MAGI1: variants seen among roughly 807,000 people sequenced by gnomAD.
The protein encoded by MAGI1 is membrane-associated guanylate kinase, WW and PDZ domain-containing protein 1.
In MAGI1, 58 loss-of-function variants were observed where a neutral mutation model predicts 139.9. The ratio of observed to expected loss-of-function variants is 0.41; its 90% confidence interval spans 0.34 to 0.52. MAGI1 has a LOEUF of 0.52. MAGI1 is among the 20% of genes least tolerant of loss of function. The pLI, the probability that MAGI1 is intolerant of heterozygous loss-of-function variation, is 0.12. For missense variants in MAGI1, 1,874 were observed against 1,901.6 expected (o/e 0.99, Z 0.27); for synonymous variants, 812 against 737.9 (o/e 1.10, Z -1.63).
chr3:65,425,294 A>T (rs762492737), intron 12 of MAGI1, among the ~76,000 whole-genome samples: 1 of 152,108 alleles, frequency 6.6e-6, no homozygotes, highest in Non-Finnish European at 1.5e-5. Flanking sequence ...ACCTTATTTA[A>T]TCTATGTACA....
chr3:65,469,456 G>C (rs547003480), intron 5 of MAGI1, among the ~76,000 whole-genome samples: 6 of 150,832 alleles, frequency 4.0e-5, no homozygotes, highest in African/African-American at 1.2e-4. Flanking sequence ...CATTATCTTA[G>C]ATTTTCCAGA....
chr3:66,004,831 A>G (rs1031582729), intron 1 of MAGI1, among the ~76,000 whole-genome samples: 1 of 152,216 alleles, frequency 6.6e-6, no homozygotes, highest in Non-Finnish European at 1.5e-5. Context: ...AAAAGATCAC[A>G]GGAGAGAGCT....
intron 1 of MAGI1, among the ~76,000 whole-genome samples, chr3:65,777,565 G>T (rs2038553737): frequency 6.6e-6 from 1 of 150,974 alleles, no homozygotes; most frequent in Admixed American, 6.6e-5. Flanking sequence ...CTTGAGCCTG[G>T]GAGGTTGAGG....
chr3:65,390,909 C>T (rs934311567), intron 14 of MAGI1, among the ~76,000 whole-genome samples: 9 of 152,098 alleles, frequency 5.9e-5, no homozygotes, highest in Non-Finnish European at 7.4e-5. Flanking sequence ...CCATTTTTAC[C>T]CAGGGCATTT....
At chr3:65,358,689 T>G (rs1275323601) in intron 22 of MAGI1, among the ~76,000 whole-genome samples, 1 of 152,180 alleles carries the variant, frequency 6.6e-6, no homozygotes, top group Non-Finnish European at 1.5e-5. Context: ...GACTGCAGTT[T>G]GCAAAGAGAT....
At chr3:65,646,296 G>A (rs182978401) in intron 1 of MAGI1, among the ~76,000 whole-genome samples, 63 of 151,822 alleles carry the variant, frequency 4.1e-4, no homozygotes, top group South Asian at 8.3e-4. Flanking sequence ...ACTTAACATA[G>A]ACAGGAAGAG....
intron 17 of MAGI1, among the ~76,000 whole-genome samples, chr3:65,377,186 T>C (rs1942618892): frequency 6.6e-6 from 1 of 152,166 alleles, no homozygotes; most frequent in South Asian, 2.1e-4. Context: ...TTTCAGCAGA[T>C]TTGCCTGAGC....
intron 10 of MAGI1, among the ~76,000 whole-genome samples, chr3:65,432,075 G>C (rs1021208448): frequency 4.5e-4 from 69 of 152,098 alleles, no homozygotes; most frequent in African/African-American, 1.6e-3. Context: ...AGGTTTTATT[G>C]AGTTTTCTTG....
intron 22 of MAGI1, chr3:65,360,032 G>C (rs1392694855): frequency 1.0e-6 from 1 of 985,148 alleles, no homozygotes; most frequent in Non-Finnish European, 1.2e-6. Flanking sequence ...TGTCTATAGG[G>C]GCCTTGTCTA....
At chr3:65,703,179 A>G (rs1205831072) in intron 1 of MAGI1, among the ~76,000 whole-genome samples, 1 of 152,116 alleles carries the variant, frequency 6.6e-6, no homozygotes, top group Non-Finnish European at 1.5e-5. Flanking sequence ...TTGCTGCTAT[A>G]CGTGCTTCCT....
intron 1 of MAGI1, among the ~76,000 whole-genome samples, chr3:65,830,812 T>A (rs2042481412): frequency 1.3e-5 from 2 of 152,164 alleles, no homozygotes; most frequent in Non-Finnish European, 2.9e-5. Context: ...GGACCTCCAT[T>A]GTTTACCAGG....
At chr3:65,659,732 A>T (rs2086087076) in intron 1 of MAGI1, among the ~76,000 whole-genome samples, 3 of 152,088 alleles carry the variant, frequency 2.0e-5, no homozygotes, top group African/African-American at 7.2e-5. Flanking sequence ...TCATCCTTGA[A>T]TTCCTTCTTG....
At chr3:65,531,249 T>C (rs575598912) in intron 2 of MAGI1, among the ~76,000 whole-genome samples, 96 of 152,174 alleles carry the variant, frequency 6.3e-4, no homozygotes, top group Non-Finnish European at 8.1e-4. Context: ...AAATTGTATC[T>C]CAAATTTATA....
rs1216094921 is a variant in MAGI1 at position 65,734,228 on chromosome 3, G to C, written c.314-112140C>G. On this transcript the variant is annotated intron_variant, in intron 1 of 22. Transcript: ENST00000402939. ...TCAGCACCTTGGGAGGCTGAGGCAGGAGGTGGGAGGAAGGCTTGATCCCAG... is the reference window on the plus strand; with the variant it reads ...TCAGCACCTTGGGAGGCTGAGGCAGCAGGTGGGAGGAAGGCTTGATCCCAG... Among the ~76,000 whole-genome samples, 3 of 152,114 alleles carry C rather than the reference G, an allele frequency of 2.0e-5. No individual in the cohort carries two copies. In the East Asian group the frequency reaches 5.8e-4, roughly 29 times the overall value.
intron 2 of MAGI1, among the ~76,000 whole-genome samples, chr3:65,508,790 T>C (rs764386794): frequency 5.3e-5 from 8 of 152,196 alleles, no homozygotes; most frequent in Non-Finnish European, 1.0e-4. Context: ...TTTGTTTTTG[T>C]TGTGTTTTGT....
At chr3:65,517,895 C>T (rs2077979343) in intron 2 of MAGI1, among the ~76,000 whole-genome samples, 1 of 152,154 alleles carries the variant, frequency 6.6e-6, no homozygotes, top group Admixed American at 6.5e-5. Flanking sequence ...AACAGAGTCC[C>T]TCTGTTGAAA....
chr3:65,971,322 G>C (rs527429973), intron 1 of MAGI1, among the ~76,000 whole-genome samples: 2 of 152,200 alleles, frequency 1.3e-5, no homozygotes, highest in East Asian at 3.9e-4. Context: ...CATTCCTTAA[G>C]AGTCTATGGA....
intron 2 of MAGI1, among the ~76,000 whole-genome samples, chr3:65,508,961 T>C (rs756279281): frequency 7.9e-5 from 12 of 152,174 alleles, no homozygotes; most frequent in Non-Finnish European, 1.8e-4. Context: ...AGGGTAAGAC[T>C]GCCATTAGCT....
intron 14 of MAGI1, among the ~76,000 whole-genome samples, chr3:65,384,772 T>C (rs1322888586): frequency 9.9e-6 from 1 of 100,716 alleles, no homozygotes; most frequent in African/African-American, 3.6e-5. Flanking sequence ...ATAAATAATA[T>C]AGGAAGGGGT....
Sources: allele counts gnomAD v4.1 joint callset (sites outside exome capture counted in the v4.1 genomes callset), GRCh38; gene constraint gnomAD v4.1.1; transcripts MANE v1.5; gene names NCBI Gene and HGNC (gene_info 2026-07-23, HGNC 2026-07-21).